The following RSRC1 variants were observed in gnomAD, a reference collection of about 807,000 sequenced individuals.
The protein encoded by RSRC1 is arginine and serine rich coiled-coil 1.
Under a neutral mutation model 49.1 loss-of-function variants are expected in RSRC1, and 39 were observed. The observed-to-expected ratio is 0.79, with a 90% CI of 0.61 to 1.04. The LOEUF is 1.04. RSRC1 is among the 50% of genes least tolerant of loss of function. RSRC1 has a pLI of 0.00. For synonymous variants in RSRC1, 143 were observed against 130.8 expected (o/e 1.09, Z -0.63); for missense variants, 388 against 402.4 (o/e 0.96, Z 0.31).
chr3:158,193,304 G>A (rs545800922), intron 3 of RSRC1, among the ~76,000 whole-genome samples: 11 of 151,988 alleles, frequency 7.2e-5, no homozygotes, highest in Non-Finnish European at 1.5e-4. Context: ...ATAAAAACAT[G>A]ATTTTACCAA....
chr3:158,464,813 A>G lies in RSRC1; in HGVS notation c.652+3810A>G, dbSNP rs1158538947. 1.3e-5 allele frequency among the ~76,000 whole-genome samples: 2 copies of G among 152,076 alleles called. 1 individual carries two copies. Among genetic ancestry groups the G allele is most frequent in the Admixed American group, 1.3e-4 (2 of 15,248 alleles). On this transcript the variant is annotated intron_variant, in intron 7 of 9. Coordinates refer to ENST00000611884, the MANE Select transcript of RSRC1 (RefSeq NM_001271838.2). Reference sequence around the variant, plus strand: ...GTTTGTGCTATTATCCCTGTACAACAGGGAGGATAGGAAACAAAGGCACAG... The same window carrying G: ...GTTTGTGCTATTATCCCTGTACAACGGGGAGGATAGGAAACAAAGGCACAG...
chr3:158,530,913 T>TAAAAAAAA (rs200580489), intron 7 of RSRC1, among the ~76,000 whole-genome samples: 1 of 95,628 alleles, frequency 1.0e-5, no homozygotes, highest in African/African-American at 4.2e-5. Context: ...AAATAATAAA[T>TAAAAAAAA]AAAAAAAAAA....
chr3:158,354,544 A>G (rs1217373868), intron 5 of RSRC1, among the ~76,000 whole-genome samples: 1 of 152,214 alleles, frequency 6.6e-6, no homozygotes, highest in African/African-American at 2.4e-5. Flanking sequence ...CAAAGAAATA[A>G]CACAACTTAA....
intron 7 of RSRC1, among the ~76,000 whole-genome samples, chr3:158,514,443 A>G (rs1054973193): frequency 2.6e-5 from 4 of 152,176 alleles, no homozygotes; most frequent in Admixed American, 2.6e-4. Flanking sequence ...GAGATTCCTA[A>G]TCCTGAGTTC....
chr3:158,188,764 A>C (rs1050699011), intron 3 of RSRC1, among the ~76,000 whole-genome samples: 1 of 151,952 alleles, frequency 6.6e-6, no homozygotes, highest in African/African-American at 2.4e-5. Context: ...AGAGTTTATC[A>C]ACCTTATTAA....
At chr3:158,391,925 G>A (rs1473681792) in intron 6 of RSRC1, among the ~76,000 whole-genome samples, 1 of 152,018 alleles carries the variant, frequency 6.6e-6, no homozygotes, top group Non-Finnish European at 1.5e-5. Context: ...ATAATGTAAA[G>A]CACAGCTAGA....
intron 3 of RSRC1, among the ~76,000 whole-genome samples, chr3:158,133,602 G>C (rs1298915860): frequency 6.6e-6 from 1 of 152,170 alleles, no homozygotes; most frequent in Non-Finnish European, 1.5e-5. Context: ...TAATTCGTCT[G>C]TGAAATGCAG....
chr3:158,449,160 C>T (rs542255927), intron 6 of RSRC1, among the ~76,000 whole-genome samples: 2 of 151,624 alleles, frequency 1.3e-5, no homozygotes, highest in South Asian at 2.1e-4. Context: ...ACTTAAAGCA[C>T]GAGATGCAAC....
chr3:158,295,094 G>T (rs764721549), intron 4 of RSRC1, among the ~76,000 whole-genome samples: 2 of 152,124 alleles, frequency 1.3e-5, no homozygotes. Flanking sequence ...TCTGTGATGG[G>T]ACATGCCCCG....
intron 4 of RSRC1, among the ~76,000 whole-genome samples, chr3:158,218,026 A>G (rs1160120954): frequency 6.6e-6 from 1 of 151,564 alleles, no homozygotes; most frequent in African/African-American, 2.4e-5. Context: ...ACTGATACGA[A>G]CAGGGACTGA....
At chr3:158,219,472 G>A (rs1722120180) in intron 4 of RSRC1, among the ~76,000 whole-genome samples, 1 of 151,494 alleles carries the variant, frequency 6.6e-6, no homozygotes, top group South Asian at 2.1e-4. Flanking sequence ...ACATTTATTA[G>A]TTTTTTAGTT....
At chr3:158,263,924 C>CT (rs1328512925) in intron 4 of RSRC1, among the ~76,000 whole-genome samples, 1 of 152,114 alleles carries the variant, frequency 6.6e-6, no homozygotes, top group Non-Finnish European at 1.5e-5. Context: ...GTTGTTACTG[C>CT]TTTTTTCTCA....
chr3:158,491,439 G>C (rs1739079511), intron 7 of RSRC1, among the ~76,000 whole-genome samples: 1 of 152,070 alleles, frequency 6.6e-6, no homozygotes. Context: ...GCAGGATTTT[G>C]CTTTGTTTTG....
chr3:158,295,934 C>G (rs1727209687), intron 4 of RSRC1, among the ~76,000 whole-genome samples: 2 of 151,856 alleles, frequency 1.3e-5, no homozygotes, highest in Non-Finnish European at 2.9e-5. Context: ...TTTGTTTATC[C>G]CATTTTGTGT....
intron 3 of RSRC1, among the ~76,000 whole-genome samples, chr3:158,167,230 A>C (rs1187682144): frequency 6.6e-6 from 1 of 151,990 alleles, no homozygotes; most frequent in Admixed American, 6.6e-5. Flanking sequence ...TCTGTCACCC[A>C]AGGTGCAGTG....
intron 5 of RSRC1, among the ~76,000 whole-genome samples, chr3:158,333,970 G>A (rs1382060532): frequency 2.0e-5 from 3 of 152,106 alleles, no homozygotes; most frequent in Admixed American, 2.0e-4. Context: ...TTTAAAAAGT[G>A]GGAAGTATTA....
intron 4 of RSRC1, among the ~76,000 whole-genome samples, chr3:158,247,063 G>C (rs1009861132): frequency 2.0e-5 from 3 of 151,888 alleles, no homozygotes; most frequent in African/African-American, 7.3e-5. Flanking sequence ...TTTCTCGGAG[G>C]ATTGTTCATT....
chr3:158,408,032 A>G (rs1734243105), intron 6 of RSRC1, among the ~76,000 whole-genome samples: 1 of 152,126 alleles, frequency 6.6e-6, no homozygotes, highest in Non-Finnish European at 1.5e-5. Context: ...TCTGGGTCGT[A>G]GCTTTCTTAT....
chr3:158,183,636 G>C (rs1719760660), intron 3 of RSRC1, among the ~76,000 whole-genome samples: 1 of 152,156 alleles, frequency 6.6e-6, no homozygotes, highest in Admixed American at 6.5e-5. Flanking sequence ...TTCCTTTTCA[G>C]CTGGGTTCGG....
Sources: allele counts gnomAD v4.1 joint callset (sites outside exome capture counted in the v4.1 genomes callset), GRCh38; gene constraint gnomAD v4.1.1; transcripts MANE v1.5; gene names NCBI Gene and HGNC (gene_info 2026-07-23, HGNC 2026-07-21).